The following HEATR5B variants were observed in gnomAD, a reference collection of about 807,000 sequenced individuals.
HEATR5B encodes HEAT repeat containing 5B, also known as HEAT repeat-containing protein 5B.
A neutral mutation model predicts 224.1 loss-of-function variants in HEATR5B; 156 were observed. The ratio of observed to expected loss-of-function variants is 0.70; its 90% confidence interval spans 0.61 to 0.80. HEATR5B has a LOEUF of 0.80. Ranked by LOEUF, HEATR5B falls within the 30% of genes least tolerant of loss-of-function variation. HEATR5B has a pLI of 0.00. For missense variants in HEATR5B, 2,323 were observed against 2,535.5 expected (o/e 0.92, Z 1.80); for synonymous variants, 1,027 against 893.0 (o/e 1.15, Z -2.68).
chr2:37,061,845 C>T (rs1303822044), intron 11 of HEATR5B, 94 bp downstream of exon 11: 7 of 669,972 alleles, frequency 1.0e-5, no homozygotes, highest in African/African-American at 7.4e-5. Context: ...AATGAAAATC[C>T]AGAATGTGAA....
Position 37,049,850 on chromosome 2 carries a change from T to TAAAAA in HEATR5B, c.2506-12_2506-8dup, listed in dbSNP as rs60184195. On this transcript the variant is annotated splice_polypyrimidine_tract_variant and splice_region_variant and intron_variant, in intron 17 of 35. Coordinates refer to ENST00000233099, the MANE Select transcript of HEATR5B (RefSeq NM_019024.3). ...TTTTGTTTTCAGCTAAGCCCTACAT[T>TAAAAA]AAAAAAAAAAAAAAAAAAAAGACAG... is the stretch of plus-strand genomic sequence containing the variant. 386 of 1,001,146 alleles carry TAAAAA rather than the reference T, an allele frequency of 3.9e-4. No homozygotes were observed. Among genetic ancestry groups the TAAAAA allele is most frequent in the South Asian group, 1.7e-3 (73 of 43,728 alleles). 62.0% of individuals were successfully genotyped at this position (1,001,146 alleles called of 1,614,324 possible).
intron 24 of HEATR5B, among the ~76,000 whole-genome samples, chr2:37,025,999 G>A (rs1450010976): frequency 6.6e-6 from 1 of 152,134 alleles, no homozygotes; most frequent in Non-Finnish European, 1.5e-5. Context: ...ACCTTGCAGG[G>A]CAAAAGGGAC....
chr2:37,000,883 G>T (rs1018839094), intron 32 of HEATR5B, 70 bp from the exon 33 acceptor site: 5 of 1,055,240 alleles, frequency 4.7e-6, no homozygotes, highest in Non-Finnish European at 5.6e-6. Flanking sequence ...TTCATTGCTT[G>T]TATTTTTTGC....
rs182253728 is a variant in HEATR5B at position 37,010,226 on chromosome 2, T to C, written c.4285-1378A>G. ...GGAATGACAGCAAGCAAGAAAAGAA[T>C]TGCTCTAGATAAAAATCTCGAGAAA... On this transcript the variant is annotated intron_variant, in intron 27 of 35. Transcript: ENST00000233099. Among the ~76,000 whole-genome samples the C allele has an allele frequency of 3.2e-4, 49 of 152,268 alleles. No individual in the cohort carries two copies. In the East Asian group the frequency reaches 4.6e-3, roughly 14 times the overall value.
chr2:37,007,484 C>T (rs1346336980), intron 28 of HEATR5B, among the ~76,000 whole-genome samples, 180 bp from the exon 29 acceptor site: 1 of 151,860 alleles, frequency 6.6e-6, no homozygotes, highest in African/African-American at 2.4e-5. Flanking sequence ...GCTGGGACTA[C>T]AGACATGCGC....
chr2:37,005,604 A>C, intron 30 of HEATR5B, 28 bp downstream of exon 30: 1 of 1,601,248 alleles, frequency 6.2e-7, no homozygotes, highest in South Asian at 1.1e-5. Flanking sequence ...AAAACCACAC[A>C]AGTATCTATC....
intron 5 of HEATR5B, among the ~76,000 whole-genome samples, chr2:37,073,550 T>A (rs1341808843): frequency 6.6e-6 from 1 of 151,948 alleles, no homozygotes; most frequent in Non-Finnish European, 1.5e-5. Flanking sequence ...AGCCTGGACG[T>A]TGACATTGAT....
At chr2:37,025,671 G>C (rs575418989) in intron 24 of HEATR5B, among the ~76,000 whole-genome samples, 31 of 151,814 alleles carry the variant, frequency 2.0e-4, no homozygotes, top group Non-Finnish European at 3.8e-4. Flanking sequence ...AATGTATAAA[G>C]AAAAAACCTG....
At position 37,080,504 on chromosome 2, in the gene HEATR5B, G is replaced by A. The variant is rs923796380; in HGVS notation, c.127-1173C>T. Among the ~76,000 whole-genome samples the A allele has an allele frequency of 2.0e-5, 3 of 152,136 alleles. No homozygotes were observed. In the East Asian group the frequency reaches 5.8e-4, roughly 29 times the overall value. ...TAGGATTTGCTGGTGAATACAACATGAAATTTGAGAAAAAGAGGGAAGTCA... is the reference window on the plus strand; with the variant it reads ...TAGGATTTGCTGGTGAATACAACATAAAATTTGAGAAAAAGAGGGAAGTCA... On this transcript the variant is annotated intron_variant, in intron 2 of 35. Transcript: ENST00000233099.
chr2:37,051,684 C>T (rs1670560249), intron 17 of HEATR5B, among the ~76,000 whole-genome samples: 1 of 152,148 alleles, frequency 6.6e-6, no homozygotes. Context: ...TTGATGGTCT[C>T]CTCAGAGTAC....
chr2:37,028,253 T>G, intron 23 of HEATR5B, 79 bp from the exon 24 acceptor site: 1 of 872,810 alleles, frequency 1.1e-6, no homozygotes, highest in South Asian at 4.4e-5. Flanking sequence ...ATATTAAAAT[T>G]TTTTTAATTT....
At chr2:37,067,000 G>T (rs1017288614) in intron 8 of HEATR5B, among the ~76,000 whole-genome samples, 1 of 152,010 alleles carries the variant, frequency 6.6e-6, no homozygotes, top group Non-Finnish European at 1.5e-5. Flanking sequence ...CTCCTGAGTA[G>T]CTGGGACTAC....
rs537719687 is a variant in HEATR5B at position 37,031,507 on chromosome 2, G to C, written c.3361+1122C>G. Among the ~76,000 whole-genome samples, 14 of 148,380 alleles carry C rather than the reference G, an allele frequency of 9.4e-5. No individual in the cohort carries two copies. The East Asian group carries it at 2.8e-3, about 30-fold the overall frequency. ...GTTGGACTTGAACTCCTGGGCTCAA[G>C]TGATCTGTCTCAGCCTTCCAAGTAG... On this transcript the variant is annotated intron_variant, in intron 22 of 35. Coordinates refer to ENST00000233099, the MANE Select transcript of HEATR5B (RefSeq NM_019024.3).
In HEATR5B at chr2:37,008,636, T is replaced by C; in HGVS notation, c.4497A>G (p.Glu1499=). 1 of 1,613,716 alleles carries C rather than the reference T, an allele frequency of 6.2e-7. No homozygotes were observed. Among genetic ancestry groups the C allele is most frequent in the Non-Finnish European group, 8.5e-7 (1 of 1,179,634 alleles). ...KDYALLTLPA[E]FSSQLPPDGG... ...CATCTGGAGGAAGCTGACTAGAAAA[T>C]TCGGCTGGTAAAGTCAAGAGTGCAT... The change falls in exon 28 of 36, where the codon GAA becomes GAG. Residue 1499 remains glutamate (E), a synonymous_variant. Coordinates refer to ENST00000233099, the MANE Select transcript of HEATR5B (RefSeq NM_019024.3).
intron 33 of HEATR5B, among the ~76,000 whole-genome samples, chr2:36,996,462 G>C (rs1666720419): frequency 6.7e-6 from 1 of 149,468 alleles, no homozygotes. Flanking sequence ...TCTCGCCCAA[G>C]CTTGAGGGCA....
chr2:37,041,010 A>T, intron 19 of HEATR5B, 123 bp downstream of exon 19: 1 of 726,670 alleles, frequency 1.4e-6, no homozygotes, highest in Non-Finnish European at 2.2e-6. Flanking sequence ...ATGTACTATT[A>T]CAAAAACAAA....
At chr2:37,070,485 G>C in intron 6 of HEATR5B, 98 bp from the exon 7 acceptor site, 1 of 859,548 alleles carries the variant, frequency 1.2e-6, no homozygotes, top group Non-Finnish European at 1.7e-6. Flanking sequence ...TTACTACAAT[G>C]GGGAAATGGT....
intron 33 of HEATR5B, among the ~76,000 whole-genome samples, chr2:36,993,406 G>T (rs148876822): frequency 1.1e-4 from 16 of 151,848 alleles, no homozygotes; most frequent in African/African-American, 3.9e-4. Flanking sequence ...GAACGGTGGC[G>T]GACACCTGTA....
chr2:37,023,002 G>C (rs1458774548), intron 24 of HEATR5B, among the ~76,000 whole-genome samples: 2 of 151,864 alleles, frequency 1.3e-5, no homozygotes, highest in Admixed American at 6.6e-5. Flanking sequence ...AACAAGTCTA[G>C]AAATGAAAAA....
Sources: gnomAD v4.1 joint callset for allele counts (sites outside exome capture counted in the v4.1 genomes callset) on GRCh38, gnomAD v4.1.1 for gene constraint, MANE v1.5 for transcripts, NCBI Gene and HGNC (gene_info 2026-07-23, HGNC 2026-07-21) for gene names.